VEGFC: variants seen among roughly 807,000 people sequenced by gnomAD.
The protein encoded by VEGFC is vascular endothelial growth factor C.
VEGFC carries 12 observed loss-of-function variants against 46.1 expected under a neutral mutation model. The ratio of observed to expected loss-of-function variants is 0.26; its 90% CI spans 0.17 to 0.42. VEGFC has a LOEUF of 0.42. Among genes scored for constraint, VEGFC ranks in the 10% least tolerant of loss-of-function variants. The pLI is 1.00. For missense variants in VEGFC, 488 were observed against 529.4 expected, an observed-to-expected ratio of 0.92 and a Z score of 0.77; for synonymous variants, 232 against 195.5, an observed-to-expected ratio of 1.19 and a Z score of -1.56.
At chr4:176,722,205 G>C (rs767483206) in intron 3 of VEGFC, among the ~76,000 whole-genome samples, 7 of 152,036 alleles carry the variant, frequency 4.6e-5, no homozygotes, top group Non-Finnish European at 1.0e-4. Context: ...GGCAAGTCCT[G>C]ATTTTTCACA....
intron 4 of VEGFC, among the ~76,000 whole-genome samples, chr4:176,709,424 C>T (rs1268291056): frequency 6.6e-6 from 1 of 152,072 alleles, no homozygotes; most frequent in Non-Finnish European, 1.5e-5. Flanking sequence ...ATTTGCAGAC[C>T]CTGATAAAGC....
chr4:176,709,025 C>T (rs569767059), intron 4 of VEGFC, among the ~76,000 whole-genome samples: 1 of 152,184 alleles, frequency 6.6e-6, no homozygotes, highest in Non-Finnish European at 1.5e-5. Flanking sequence ...GTATGGCTTA[C>T]TCTAAGACTC....
At chr4:176,694,625 G>A (rs867669454) in intron 4 of VEGFC, among the ~76,000 whole-genome samples, 7,397 of 149,302 alleles carry the variant, frequency 0.05, 280 homozygotes, top group Non-Finnish European at 0.078. Context: ...TGCACCAAGC[G>A]GACCTAATAG....
intron 4 of VEGFC, among the ~76,000 whole-genome samples, chr4:176,703,474 T>C (rs1214414443): frequency 6.6e-6 from 1 of 151,904 alleles, no homozygotes; most frequent in Non-Finnish European, 1.5e-5. Flanking sequence ...GTCTGGGAAG[T>C]GTGGGTCAGT....
intron 1 of VEGFC, among the ~76,000 whole-genome samples, chr4:176,746,926 T>TGC (rs1735267101): frequency 6.6e-6 from 1 of 152,146 alleles, no homozygotes; most frequent in Non-Finnish European, 1.5e-5. Context: ...TGCAGAAATT[T>TGC]ACTCATTGCT....
intron 1 of VEGFC, among the ~76,000 whole-genome samples, chr4:176,784,292 A>G (rs944888918): frequency 2.0e-5 from 3 of 151,088 alleles, no homozygotes; most frequent in African/African-American, 7.3e-5. Context: ...CTGGTCTCAA[A>G]CTCCTGGGTT....
At chr4:176,695,863 A>G (rs60520086) in intron 4 of VEGFC, among the ~76,000 whole-genome samples, 35,110 of 151,746 alleles carry the variant, frequency 0.23, 6,727 homozygotes, top group African/African-American at 0.53. Context: ...CAGCATATAA[A>G]CAGAGCCAAA....
At chr4:176,684,239 A>G (rs1733997320) in intron 6 of VEGFC, among the ~76,000 whole-genome samples, 199 bp from the exon 7 acceptor site, 1 of 152,242 alleles carries the variant, frequency 6.6e-6, no homozygotes, top group Admixed American at 6.5e-5. Context: ...CCTTAAAATA[A>G]AAGTCTTGCT....
At position 176,714,821 on chromosome 4, in the gene VEGFC, G is replaced by A. The variant is rs181142913; in HGVS notation, c.553-3171C>T. Among the ~76,000 whole-genome samples the A allele has an allele frequency of 2.6e-5, 4 of 152,308 alleles. No individual in the cohort carries two copies. The East Asian group carries it at 5.8e-4, about 22-fold the overall frequency. ...GGATCCACCCATGGGTATCAAGCATGAATTCAGGAACAGCAGCTTTGAAGA... is the reference window on the plus strand; with the variant it reads ...GGATCCACCCATGGGTATCAAGCATAAATTCAGGAACAGCAGCTTTGAAGA... On this transcript the variant is annotated intron_variant, in intron 3 of 6. Coordinates refer to ENST00000618562, the MANE Select transcript of VEGFC (RefSeq NM_005429.5).
rs544649682 is a variant in VEGFC, at chr4:176,764,347, A to G, written c.147+27818T>C. On this transcript the variant is annotated intron_variant, in intron 1 of 6. Coordinates refer to ENST00000618562, the MANE Select transcript of VEGFC (RefSeq NM_005429.5). ...CACAGAGCTGGAGAGACAAAACATTAAAGTTTGGGCCTTTAAAGGCAGTCA... is the reference window on the plus strand; with the variant it reads ...CACAGAGCTGGAGAGACAAAACATTGAAGTTTGGGCCTTTAAAGGCAGTCA... Among the ~76,000 whole-genome samples, 15 of 152,338 alleles carry G rather than the reference A, an allele frequency of 9.8e-5. No homozygotes were observed. The East Asian group carries it at 2.9e-3, about 29-fold the overall frequency.
chr4:176,721,896 A>G (rs1349450738), intron 3 of VEGFC, among the ~76,000 whole-genome samples: 1 of 152,130 alleles, frequency 6.6e-6, no homozygotes, highest in Non-Finnish European at 1.5e-5. Context: ...GTAGATGAGA[A>G]AATACAAGGA....
intron 4 of VEGFC, among the ~76,000 whole-genome samples, chr4:176,698,879 G>A (rs939183272): frequency 6.6e-6 from 1 of 152,058 alleles, no homozygotes; most frequent in African/African-American, 2.4e-5. Flanking sequence ...TGTTGGAAAT[G>A]ACAGAATCTT....
At chr4:176,790,472 A>G (rs1315453944) in intron 1 of VEGFC, among the ~76,000 whole-genome samples, 1 of 152,172 alleles carries the variant, frequency 6.6e-6, no homozygotes. Context: ...CACTTTTGAA[A>G]GTTAAAAATA....
chr4:176,761,166 C>T (rs1244139068), intron 1 of VEGFC, among the ~76,000 whole-genome samples: 6 of 152,142 alleles, frequency 3.9e-5, no homozygotes, highest in African/African-American at 9.7e-5. Flanking sequence ...TTAAATTATA[C>T]AATTGATGTA....
At chr4:176,742,434 T>C in intron 1 of VEGFC, among the ~76,000 whole-genome samples, 1 of 152,094 alleles carries the variant, frequency 6.6e-6, no homozygotes, top group East Asian at 1.9e-4. Context: ...CTTTTCCTCT[T>C]ATATAGTACC....
chr4:176,693,149 G>A (rs1370806108), intron 4 of VEGFC, among the ~76,000 whole-genome samples: 1 of 152,088 alleles, frequency 6.6e-6, no homozygotes, highest in Non-Finnish European at 1.5e-5. Context: ...CGAGCTGCGA[G>A]AAGAAGGCTT....
chr4:176,729,822 G>T, intron 1 of VEGFC, 76 bp from the exon 2 acceptor site: 3 of 1,136,664 alleles, frequency 2.6e-6, no homozygotes, highest in Non-Finnish European at 3.6e-6. Flanking sequence ...AAAACGGTTA[G>T]GTTTAATAGT....
At chr4:176,756,117 G>A (rs774749935) in intron 1 of VEGFC, among the ~76,000 whole-genome samples, 17 of 151,830 alleles carry the variant, frequency 1.1e-4, no homozygotes, top group Non-Finnish European at 2.4e-4. Flanking sequence ...ATAACCCTGG[G>A]CTTATCTCCC....
intron 4 of VEGFC, among the ~76,000 whole-genome samples, chr4:176,689,837 G>A (rs2110967276): frequency 6.6e-6 from 1 of 152,202 alleles, no homozygotes; most frequent in East Asian, 1.9e-4. Flanking sequence ...ATCAATAATT[G>A]CTGATTAGGA....
Sources: gnomAD v4.1 joint callset for allele counts (sites outside exome capture counted in the v4.1 genomes callset) on GRCh38, gnomAD v4.1.1 for gene constraint, MANE v1.5 for transcripts, NCBI Gene and HGNC (gene_info 2026-07-23, HGNC 2026-07-21) for gene names.